The following CEP128 variants were observed in gnomAD, a reference collection of about 807,000 sequenced individuals.
The protein encoded by CEP128 is centrosomal protein 128kDa.
A neutral mutation model predicts 156.7 loss-of-function variants in CEP128; 132 were observed. The observed-to-expected ratio is 0.84, with a 90% CI of 0.73 to 0.97. CEP128 has a LOEUF of 0.97. Among genes scored for constraint, CEP128 ranks in the 50% least tolerant of loss-of-function variants. The probability of loss-of-function intolerance (pLI) is 0.00; values close to 1 mark genes in which losing one functional copy is unlikely to be tolerated. For missense variants in CEP128, 1,252 were observed against 1,281.9 expected, an observed-to-expected ratio of 0.98 and a Z score of 0.36; for synonymous variants, 469 against 448.9, an observed-to-expected ratio of 1.04 and a Z score of -0.57.
intron 16 of CEP128, among the ~76,000 whole-genome samples, chr14:80,763,622 T>C (rs1406406567): frequency 1.3e-5 from 2 of 152,186 alleles, no homozygotes; most frequent in African/African-American, 2.4e-5. Flanking sequence ...ATATTAGGTA[T>C]ATCATAATTT....
At chr14:80,642,880 G>A (rs1006778379) in intron 19 of CEP128, among the ~76,000 whole-genome samples, 4 of 150,448 alleles carry the variant, frequency 2.7e-5, no homozygotes, top group African/African-American at 9.8e-5. Context: ...TCAGCCTCCC[G>A]AGTAGCTGGG....
chr14:80,633,945 T>C (rs1894073182), intron 19 of CEP128, among the ~76,000 whole-genome samples: 1 of 151,940 alleles, frequency 6.6e-6, no homozygotes, highest in Non-Finnish European at 1.5e-5. Flanking sequence ...GACCATGGAG[T>C]CTTTCCTGGG....
At chr14:80,826,307 C>G (rs760115915) in intron 13 of CEP128, among the ~76,000 whole-genome samples, 5 of 151,912 alleles carry the variant, frequency 3.3e-5, no homozygotes, top group Non-Finnish European at 5.9e-5. Flanking sequence ...TCTTTATAAT[C>G]TAATCTAGGT....
intron 23 of CEP128, among the ~76,000 whole-genome samples, chr14:80,513,829 CT>C (rs1475230401): frequency 6.6e-6 from 1 of 152,182 alleles, no homozygotes; most frequent in Admixed American, 6.5e-5. Context: ...TCTGCCATAT[CT>C]TGAAATGGCC....
chr14:80,545,657 T>TA (rs973117547), intron 21 of CEP128, among the ~76,000 whole-genome samples: 1 of 152,128 alleles, frequency 6.6e-6, no homozygotes, highest in Non-Finnish European at 1.5e-5. Context: ...GAAAGAATCT[T>TA]ACAACTGTTG....
At chr14:80,695,995 T>C (rs893844861) in intron 19 of CEP128, among the ~76,000 whole-genome samples, 2 of 152,106 alleles carry the variant, frequency 1.3e-5, no homozygotes, top group African/African-American at 2.4e-5. Flanking sequence ...TGGGTGACAG[T>C]AAGACTGGAA....
At chr14:80,737,846 C>T (rs565515645) in intron 19 of CEP128, among the ~76,000 whole-genome samples, 4 of 151,632 alleles carry the variant, frequency 2.6e-5, no homozygotes, top group East Asian at 3.9e-4. Context: ...GCCAAGATGG[C>T]GCCACTGCAC....
intron 16 of CEP128, among the ~76,000 whole-genome samples, chr14:80,763,959 C>T (rs1343720744): frequency 6.6e-6 from 1 of 152,110 alleles, no homozygotes; most frequent in Non-Finnish European, 1.5e-5. Context: ...TCAGAGACTA[C>T]CGATGTATTA....
chr14:80,856,661 CTGCGTGTGTG>C (rs1308390441), intron 9 of CEP128, among the ~76,000 whole-genome samples: 2 of 148,464 alleles, frequency 1.3e-5, no homozygotes, highest in African/African-American at 5.0e-5. Context: ...TGGAGTGTGC[CTGCGTGTGTG>C]TGTGTGCGTG....
chr14:80,783,864 G>A (rs563697109), intron 15 of CEP128, among the ~76,000 whole-genome samples: 2 of 151,960 alleles, frequency 1.3e-5, no homozygotes, highest in African/African-American at 2.4e-5. Context: ...ATATAGTAAG[G>A]GTCTTTTACC....
At chr14:80,585,448 C>T (rs959195587) in intron 19 of CEP128, among the ~76,000 whole-genome samples, 5 of 152,136 alleles carry the variant, frequency 3.3e-5, no homozygotes, top group African/African-American at 1.2e-4. Context: ...CAATTACACC[C>T]ATCTAGTAAC....
At chr14:80,863,031 G>A (rs988419748) in intron 8 of CEP128, among the ~76,000 whole-genome samples, 158 bp from the exon 9 acceptor site, 1 of 152,064 alleles carries the variant, frequency 6.6e-6, no homozygotes, top group East Asian at 1.9e-4. Flanking sequence ...TGAAATAGCT[G>A]GCCAAAAAGC....
intron 19 of CEP128, among the ~76,000 whole-genome samples, chr14:80,729,054 T>TGG (rs543120613): frequency 2.1e-4 from 19 of 92,558 alleles, no homozygotes; most frequent in South Asian, 3.8e-4. Context: ...GCTGGGCTGG[T>TGG]GGGGGTGTGT....
chr14:80,713,022 A>G (rs1183865108), intron 19 of CEP128, among the ~76,000 whole-genome samples: 1 of 152,176 alleles, frequency 6.6e-6, no homozygotes, highest in Non-Finnish European at 1.5e-5. Context: ...ATCTAATCAT[A>G]TCATAGACAA....
intron 20 of CEP128, among the ~76,000 whole-genome samples, chr14:80,573,216 C>T (rs375395980): frequency 2.6e-3 from 403 of 152,212 alleles, no homozygotes; most frequent in Admixed American, 5.4e-3. Context: ...TGAGCCACCT[C>T]GCCCAGCCTT....
At chr14:80,881,282 A>G (rs973507191) in intron 8 of CEP128, among the ~76,000 whole-genome samples, 75 of 152,308 alleles carry the variant, frequency 4.9e-4, no homozygotes, top group African/African-American at 1.8e-3. Flanking sequence ...ATTAGTGGCT[A>G]CTATGAGTAA....
chr14:80,694,000 G>T (rs1041907094), intron 19 of CEP128, among the ~76,000 whole-genome samples: 2 of 152,062 alleles, frequency 1.3e-5, no homozygotes, highest in Non-Finnish European at 2.9e-5. Context: ...CATGTTTTCC[G>T]TCAAAAGTGT....
intron 21 of CEP128, among the ~76,000 whole-genome samples, chr14:80,544,093 G>A (rs370289879): frequency 4.6e-5 from 7 of 152,062 alleles, no homozygotes; most frequent in African/African-American, 9.7e-5. Context: ...TCAAATCTAC[G>A]ACATCACTAT....
chr14:80,890,824 TATTC>T (rs1889061757), intron 8 of CEP128, among the ~76,000 whole-genome samples: 2 of 152,102 alleles, frequency 1.3e-5, no homozygotes, highest in South Asian at 4.2e-4. Flanking sequence ...AAATAACCAT[TATTC>T]ATAAGGAGCT....
Sources: allele counts gnomAD v4.1 joint callset (sites outside exome capture counted in the v4.1 genomes callset), GRCh38; gene constraint gnomAD v4.1.1; transcripts MANE v1.5; gene names NCBI Gene and HGNC (gene_info 2026-07-23, HGNC 2026-07-21).